PCDHGA6: variants seen among roughly 807,000 people sequenced by gnomAD.
The protein encoded by PCDHGA6 is protocadherin gamma-A6.
Under a neutral mutation model 60.6 loss-of-function variants are expected in PCDHGA6, and 41 were observed. The observed-to-expected ratio is 0.68, with a 90% CI of 0.53 to 0.88. PCDHGA6 has a LOEUF of 0.88. PCDHGA6 is among the 40% of genes least tolerant of loss of function. PCDHGA6 has a pLI of 0.00. For missense variants in PCDHGA6, 1,312 were observed against 1,203.0 expected (o/e 1.09, Z -1.34); for synonymous variants, 594 against 524.4 (o/e 1.13, Z -1.81).
chr5:141,387,793 A>T, intron 1 of PCDHGA6: 1 of 1,495,928 alleles, frequency 6.7e-7, no homozygotes, highest in Non-Finnish European at 8.9e-7. Flanking sequence ...CTGCAACTAA[A>T]GTCCGTTCGG....
At position 141,419,598 on chromosome 5, in the gene PCDHGA6, G is replaced by A. The variant is rs1466867194; in HGVS notation, c.2424+43091G>A. On this transcript the variant is annotated intron_variant, in intron 1 of 3. Transcript: ENST00000517434. ...TCCGCGCTCTTCGACACAGTGCCGC[G>A]GGCCGCGCAGCCAGGCTACCTGGTG... 21 of 1,611,674 alleles carry A rather than the reference G, an allele frequency of 1.3e-5. No individual in the cohort carries two copies. In the South Asian group the frequency reaches 1.3e-4, roughly 10 times the overall value.
At position 141,487,557 on chromosome 5, in the gene PCDHGA6, T is replaced by C. The variant is rs751511771; in HGVS notation, c.2425-7250T>C. On this transcript the variant is annotated intron_variant, in intron 1 of 3. Coordinates refer to ENST00000517434, the MANE Select transcript of PCDHGA6 (RefSeq NM_018919.3). The surrounding 1 kb of genome is among the most constrained non-coding windows in gnomAD (Gnocchi z 5.0). The stretch of plus-strand genomic sequence containing the variant: ...ATGGTGAAGTCACCCAGTGCACCTA[T>C]GGCAGGGGAGCCTGTTCGCCCAAGC... The C allele has an allele frequency of 1.9e-5, 31 of 1,614,060 alleles. No homozygotes were observed. In the East Asian group the frequency reaches 4.2e-4, roughly 22 times the overall value.
rs2099396190 is a variant in PCDHGA6 at position 141,476,685 on chromosome 5, G to A, written c.2425-18122G>A. On this transcript the variant is annotated intron_variant, in intron 1 of 3. Coordinates refer to ENST00000517434, the MANE Select transcript of PCDHGA6 (RefSeq NM_018919.3). This position sits in a 1 kb window ranked among gnomAD's most constrained non-coding sequence, Gnocchi z 7.6. ...CTTCGCGTGCAGACGCGGGAGGACA[G>A]CACCAAGTACGCGGAGCTGGTGTTG... 3.1e-6 allele frequency: 5 copies of A among 1,614,102 alleles called. No homozygotes were observed.
At chr5:141,497,691 C>T (rs2099778682) in intron 2 of PCDHGA6, among the ~76,000 whole-genome samples, 1 of 152,066 alleles carries the variant, frequency 6.6e-6, no homozygotes, top group African/African-American at 2.4e-5. Flanking sequence ...AGGTGTGCAC[C>T]ACCACACCCA....
intron 1 of PCDHGA6, among the ~76,000 whole-genome samples, chr5:141,488,655 G>C (rs1438020338): frequency 6.6e-6 from 1 of 152,164 alleles, no homozygotes. Flanking sequence ...GATGGGGGAG[G>C]GTGGGGGAAT....
At chr5:141,496,268 G>T (rs1237681971) in intron 2 of PCDHGA6, among the ~76,000 whole-genome samples, 1 of 152,208 alleles carries the variant, frequency 6.6e-6, no homozygotes, top group Non-Finnish European at 1.5e-5. Flanking sequence ...TCAGCAGAAA[G>T]ACCTTCAGTT....
rs773471969 is a variant in PCDHGA6, at chr5:141,422,101, A to G, written c.2424+45594A>G. 11 of 1,610,046 alleles carry G rather than the reference A, an allele frequency of 6.8e-6. No individual in the cohort carries two copies. The highest frequency in any genetic ancestry group is 4.5e-5 in the East Asian group (2 of 44,870). ...GAACATGGAAAGCAAGGCTTCTGAA[A>G]TATTCCAATTGGATTCACAAACTGG... On this transcript the variant is annotated intron_variant, in intron 1 of 3. Coordinates refer to ENST00000517434, the MANE Select transcript of PCDHGA6 (RefSeq NM_018919.3).
intron 1 of PCDHGA6, chr5:141,388,884 G>A: frequency 1.9e-6 from 3 of 1,614,002 alleles, no homozygotes; most frequent in Non-Finnish European, 2.5e-6. Flanking sequence ...AGTGGAGGTA[G>A]AAGTCATAGA....
At position 141,491,518 on chromosome 5, in the gene PCDHGA6, A is replaced by G. The variant is rs756813813; in HGVS notation, c.2425-3289A>G. 3 of 1,613,990 alleles carry G rather than the reference A, an allele frequency of 1.9e-6. No individual in the cohort carries two copies. The highest frequency in any genetic ancestry group is 3.3e-5 in the Admixed American group (2 of 60,028). ...GAGCTCGGACGGCACGCTCAAGTAC[A>G]TGGAGGTGACGCTGCGGCCCACAGA... On this transcript the variant is annotated intron_variant, in intron 1 of 3. Transcript: ENST00000517434. This position sits in a 1 kb window ranked among gnomAD's most constrained non-coding sequence, Gnocchi z 6.9.
At chr5:141,384,901 A>G in intron 1 of PCDHGA6, 1 of 1,613,838 alleles carries the variant, frequency 6.2e-7, no homozygotes, top group South Asian at 1.1e-5. Flanking sequence ...GGCTGACAGC[A>G]TCCCCGAAGT....
intron 1 of PCDHGA6, chr5:141,382,816 TA>T: frequency 1.6e-6 from 2 of 1,275,446 alleles, no homozygotes; most frequent in Non-Finnish European, 2.2e-6. Flanking sequence ...CTCCCCTTCC[TA>T]AGACAGAGGG....
At chr5:141,418,295 G>A (rs751665486) in intron 1 of PCDHGA6, 1 of 1,613,996 alleles carries the variant, frequency 6.2e-7, no homozygotes, top group Admixed American at 1.7e-5. Context: ...CAGTGAATCC[G>A]TCAGCCTGGG....
Position 141,409,803 on chromosome 5 carries a change from C to G in PCDHGA6, c.2424+33296C>G, listed in dbSNP as rs779815582. The G allele has an allele frequency of 1.4e-5, 23 of 1,611,528 alleles. No homozygotes were observed. The highest frequency in any genetic ancestry group is 7.7e-5 in the South Asian group (7 of 90,886). ...CGCGCCTTCGCGCTCACGCTGCAGG[C>G]CCGCGACCACGGCTCGCCCACGCTC... On this transcript the variant is annotated intron_variant, in intron 1 of 3. Coordinates refer to ENST00000517434, the MANE Select transcript of PCDHGA6 (RefSeq NM_018919.3).
rs562192762 is a variant in PCDHGA6, at chr5:141,485,718, T to C, written c.2425-9089T>C. 1 of 1,614,058 alleles carries C rather than the reference T, an allele frequency of 6.2e-7. No homozygotes were observed. The highest frequency in any genetic ancestry group is 2.2e-5 in the East Asian group (1 of 44,866). On this transcript the variant is annotated intron_variant, in intron 1 of 3. Coordinates refer to ENST00000517434, the MANE Select transcript of PCDHGA6 (RefSeq NM_018919.3). This position sits in a 1 kb window ranked among gnomAD's most constrained non-coding sequence, Gnocchi z 5.7. ...TCCAATGAACACTTTGCACTGGATG[T>C]GAAGAAGCGCAGCGACGGCAGCCTG...
chr5:141,403,952 C>T, intron 1 of PCDHGA6: 1 of 1,613,684 alleles, frequency 6.2e-7, no homozygotes, highest in Non-Finnish European at 8.5e-7. Flanking sequence ...GACAAAAGTG[C>T]TCATTTCGGT....
intron 1 of PCDHGA6, chr5:141,408,218 G>A: frequency 6.4e-7 from 1 of 1,557,454 alleles, no homozygotes; most frequent in South Asian, 1.2e-5. Context: ...AGGGAGCTGC[G>A]CGCAGAGGCG....
intron 1 of PCDHGA6, among the ~76,000 whole-genome samples, chr5:141,455,138 TTAAA>T (rs1193499111): frequency 1.3e-5 from 2 of 151,028 alleles, no homozygotes; most frequent in Admixed American, 1.3e-4. Context: ...TTACACTGTG[TTAAA>T]TAAATATTAG....
At chr5:141,417,949 TGA>T (rs2096196504) in intron 1 of PCDHGA6, 1 of 1,613,400 alleles carries the variant, frequency 6.2e-7, no homozygotes, top group Non-Finnish European at 8.5e-7. Context: ...CCACGCTGTG[TGA>T]GCCGATCCGC....
intron 1 of PCDHGA6, chr5:141,478,531 C>T (rs771145308): frequency 1.9e-6 from 3 of 1,608,190 alleles, no homozygotes; most frequent in Non-Finnish European, 2.5e-6. Flanking sequence ...GTGCAGAGAG[C>T]GCCCCTCCCG....
Sources: allele counts gnomAD v4.1 joint callset (sites outside exome capture counted in the v4.1 genomes callset), GRCh38; gene constraint gnomAD v4.1.1; non-coding constraint Gnocchi (gnomAD v3.1); transcripts MANE v1.5; gene names NCBI Gene and HGNC (gene_info 2026-07-23, HGNC 2026-07-21).